The following CXADR variants were observed in gnomAD, a reference collection of about 807,000 sequenced individuals.
CXADR encodes coxsackievirus and adenovirus receptor.
Under a neutral mutation model 40.3 loss-of-function variants are expected in CXADR, and 20 were observed. That is an observed-to-expected ratio of 0.50 (90% CI 0.35 to 0.72). The LOEUF is 0.72. Among genes scored for constraint, CXADR ranks in the 30% least tolerant of loss-of-function variants. The pLI, the probability that CXADR is intolerant of heterozygous loss-of-function variation, is 0.01. For synonymous variants in CXADR, 150 were observed against 161.3 expected (o/e 0.93, Z 0.53); for missense variants, 332 against 449.1 (o/e 0.74, Z 2.36).
At chr21:17,544,766 T>G (rs573522809) in intron 1 of CXADR, among the ~76,000 whole-genome samples, 48 of 152,222 alleles carry the variant, frequency 3.2e-4, no homozygotes, top group Admixed American at 2.8e-3. Flanking sequence ...CAATTTAAAT[T>G]TATTTCAGGA....
At chr21:17,524,490 C>T (rs112196811) in intron 1 of CXADR, among the ~76,000 whole-genome samples, 20,139 of 142,102 alleles carry the variant, frequency 0.14, 1,548 homozygotes, top group African/African-American at 0.22. Flanking sequence ...GGAGGAGAAT[C>T]GCTGGAACCC....
the CXADR span, among the ~76,000 whole-genome samples, chr21:17,600,427 A>T: frequency 1.3e-5 from 2 of 152,366 alleles, no homozygotes; most frequent in East Asian, 3.9e-4. Flanking sequence ...TAGTTAGCTG[A>T]AGTTAATTCA....
At chr21:17,609,705 C>T in the CXADR span, among the ~76,000 whole-genome samples, 2 of 152,146 alleles carry the variant, frequency 1.3e-5, no homozygotes, top group Admixed American at 6.6e-5. Context: ...CACACCAAAA[C>T]CTTGTACAGA....
chr21:17,528,563 G>T (rs750161879), intron 1 of CXADR, among the ~76,000 whole-genome samples: 1 of 151,320 alleles, frequency 6.6e-6, no homozygotes, highest in African/African-American at 2.4e-5. Flanking sequence ...GCGCCACCAC[G>T]CCCAGCTAAT....
At chr21:17,562,368 C>G (rs1355173083) in intron 6 of CXADR, among the ~76,000 whole-genome samples, 1 of 152,162 alleles carries the variant, frequency 6.6e-6, no homozygotes, top group African/African-American at 2.4e-5. Context: ...GTTGCCCAGG[C>G]TGGAGTGGAG....
the CXADR span, among the ~76,000 whole-genome samples, chr21:17,622,101 A>G: frequency 2.0e-5 from 3 of 152,130 alleles, no homozygotes; most frequent in African/African-American, 7.2e-5. Context: ...AGGCAGAGTC[A>G]CTCCTTTAAT....
intron 7 of CXADR, among the ~76,000 whole-genome samples, chr21:17,580,373 C>T (rs1190013144): frequency 1.3e-5 from 2 of 152,212 alleles, no homozygotes; most frequent in East Asian, 3.8e-4. Context: ...AATCCCGGCA[C>T]TTTGGGAGGC....
intron 7 of CXADR, among the ~76,000 whole-genome samples, chr21:17,577,612 CTTTTTTTTTTTTTT>C (rs532541050): frequency 2.7e-5 from 1 of 36,576 alleles, no homozygotes; most frequent in Admixed American, 4.9e-4. Context: ...ATTCTGCAAG[CTTTTTTTTTTTTTT>C]TTTTTTTTTT....
At chr21:17,571,255 T>C (rs2061275253), downstream of CXADR, among the ~76,000 whole-genome samples, 2 of 152,302 alleles carry the variant, frequency 1.3e-5, no homozygotes, top group Admixed American at 1.3e-4. Flanking sequence ...CTTAAAATGG[T>C]ACAAAATACC....
intron 3 of CXADR, among the ~76,000 whole-genome samples, chr21:17,558,302 G>A (rs1009628825): frequency 1.4e-4 from 22 of 151,850 alleles, no homozygotes; most frequent in East Asian, 1.9e-4. Context: ...CTAATTTTTC[G>A]AAGTTTTTAT....
chr21:17,534,060 C>CACATATATATAGATA (rs2060716305), intron 1 of CXADR, among the ~76,000 whole-genome samples: 1 of 47,144 alleles, frequency 2.1e-5, no homozygotes, highest in Non-Finnish European at 4.9e-5. Context: ...ATATATATAG[C>CACATATATATAGATA]TATATATATA....
intron 1 of CXADR, among the ~76,000 whole-genome samples, chr21:17,532,247 T>G (rs1254378939): frequency 6.6e-6 from 1 of 152,148 alleles, no homozygotes; most frequent in Non-Finnish European, 1.5e-5. Flanking sequence ...GTTTTCTAGG[T>G]CTCATTCTTT....
chr21:17,606,985 C>T, the CXADR span, among the ~76,000 whole-genome samples: 1 of 152,104 alleles, frequency 6.6e-6, no homozygotes, highest in African/African-American at 2.4e-5. Flanking sequence ...AAAACAATTT[C>T]AACTTACAAA....
chr21:17,544,060 A>G (rs2060862774), intron 1 of CXADR, among the ~76,000 whole-genome samples: 1 of 152,186 alleles, frequency 6.6e-6, no homozygotes, highest in South Asian at 2.1e-4. Flanking sequence ...CAGTTTCACC[A>G]TAAAATTTAT....
At chr21:17,538,990 T>C (rs2060794473) in intron 1 of CXADR, among the ~76,000 whole-genome samples, 1 of 152,178 alleles carries the variant, frequency 6.6e-6, no homozygotes, top group African/African-American at 2.4e-5. Flanking sequence ...ATTTGGAATG[T>C]ATTAAAGAGG....
chr21:17,623,779 G>A, the CXADR span, among the ~76,000 whole-genome samples: 1 of 151,784 alleles, frequency 6.6e-6, no homozygotes, highest in East Asian at 1.9e-4. Context: ...AAAAATTTTG[G>A]AGTCAACAAT....
chr21:17,551,520 C>G (rs2060968256), intron 2 of CXADR, among the ~76,000 whole-genome samples: 1 of 152,124 alleles, frequency 6.6e-6, no homozygotes, highest in Non-Finnish European at 1.5e-5. Context: ...CTTGGTTTCC[C>G]CATTAAAAAT....
At chr21:17,629,025 T>A in the CXADR span, among the ~76,000 whole-genome samples, 1 of 152,102 alleles carries the variant, frequency 6.6e-6, no homozygotes. Context: ...TAGTTGGGCA[T>A]CCTATGGCCA....
At chr21:17,591,702 T>C (rs1202605673) in intron 7 of CXADR, among the ~76,000 whole-genome samples, 2 of 151,972 alleles carry the variant, frequency 1.3e-5, no homozygotes, top group Admixed American at 6.6e-5. Flanking sequence ...AACAAATTAT[T>C]GTTCAGTGAT....
Sources: gnomAD v4.1 joint callset for allele counts (sites outside exome capture counted in the v4.1 genomes callset) on GRCh38, gnomAD v4.1.1 for gene constraint, MANE v1.5 for transcripts, NCBI Gene and HGNC (gene_info 2026-07-23, HGNC 2026-07-21) for gene names.